The following CNST variants were observed in gnomAD, a reference collection of about 807,000 sequenced individuals.
The protein encoded by CNST is consortin.
Under a neutral mutation model 72.4 loss-of-function variants are expected in CNST, and 39 were observed. That is an observed-to-expected ratio of 0.54 (90% CI 0.42 to 0.70). CNST has a LOEUF of 0.70. Among genes scored for constraint, CNST ranks in the 30% least tolerant of loss-of-function variants. CNST has a pLI of 0.00. For missense variants in CNST, 871 were observed against 868.5 expected, an observed-to-expected ratio of 1.00 and a Z score of -0.04; for synonymous variants, 332 against 320.1, an observed-to-expected ratio of 1.04 and a Z score of -0.40.
intron 3 of CNST, among the ~76,000 whole-genome samples, chr1:246,625,610 C>T (rs1205773539): frequency 2.6e-5 from 4 of 151,584 alleles, no homozygotes; most frequent in East Asian, 3.9e-4. Context: ...TTAGTAGAGA[C>T]AAGGTTTCAC....
chr1:246,632,346 G>A, intron 4 of CNST: 1 of 281,342 alleles, frequency 3.6e-6, no homozygotes, highest in Non-Finnish European at 7.0e-6. Flanking sequence ...CCGCCCCCGT[G>A]ATGGTGAATC....
At position 246,621,417 on chromosome 1, in the gene CNST, T is replaced by C. The variant is rs1664080664; in HGVS notation, c.380-12T>C. The C allele has an allele frequency of 6.3e-7, 1 of 1,597,078 alleles. No individual in the cohort carries two copies. The highest frequency in any genetic ancestry group is 1.7e-5 in the Admixed American group (1 of 59,924). ...TTGATCCTAACATAGGCATTTTCTT[T>C]ACTTCTTAAAGGACTTTTTTCAGGA... On this transcript the variant is annotated splice_polypyrimidine_tract_variant and intron_variant, in intron 2 of 10. Transcript: ENST00000366513.
At chr1:246,597,114 GT>G (rs1209309170) in intron 2 of CNST, among the ~76,000 whole-genome samples, 1 of 152,156 alleles carries the variant, frequency 6.6e-6, no homozygotes, top group African/African-American at 2.4e-5. Context: ...ATGCCAAACA[GT>G]TTTCCAAAGC....
At chr1:246,646,721 C>G (rs756269602) in intron 8 of CNST, among the ~76,000 whole-genome samples, 2 of 152,228 alleles carry the variant, frequency 1.3e-5, no homozygotes, top group Non-Finnish European at 2.9e-5. Flanking sequence ...CTCAGGTGAT[C>G]CGCCCACCTC....
chr1:246,664,861 G>A (rs1667322963), intron 10 of CNST, among the ~76,000 whole-genome samples: 1 of 151,988 alleles, frequency 6.6e-6, no homozygotes, highest in South Asian at 2.1e-4. Context: ...AAGACTTTTT[G>A]GTCTTTTTGA....
chr1:246,580,479 G>A (rs1189931998), intron 1 of CNST, among the ~76,000 whole-genome samples: 1 of 151,908 alleles, frequency 6.6e-6, no homozygotes, highest in African/African-American at 2.4e-5. Context: ...GAACAGTTAT[G>A]AAATTGCACT....
intron 9 of CNST, among the ~76,000 whole-genome samples, chr1:246,656,873 C>T (rs779599562): frequency 3.3e-5 from 5 of 151,876 alleles, no homozygotes; most frequent in Non-Finnish European, 5.9e-5. Flanking sequence ...GAGGCTGCAG[C>T]GAGCTGTCAG....
intron 2 of CNST, among the ~76,000 whole-genome samples, chr1:246,612,889 A>AAT (rs1299851117): frequency 6.6e-6 from 1 of 152,012 alleles, no homozygotes; most frequent in Non-Finnish European, 1.5e-5. Flanking sequence ...TGTCTCAAAA[A>AAT]ATATATATAT....
intron 1 of CNST, among the ~76,000 whole-genome samples, chr1:246,588,242 CTAGTTT>C (rs563295877): frequency 6.6e-6 from 1 of 151,916 alleles, no homozygotes; most frequent in African/African-American, 2.4e-5. Flanking sequence ...GGCCGTTTTA[CTAGTTT>C]TAATGACAAT....
chr1:246,618,577 G>C (rs1242547528), intron 2 of CNST, among the ~76,000 whole-genome samples: 1 of 152,098 alleles, frequency 6.6e-6, no homozygotes, highest in Non-Finnish European at 1.5e-5. Context: ...AATGATTAAA[G>C]TACGATATTC....
intron 1 of CNST, among the ~76,000 whole-genome samples, chr1:246,573,225 A>T (rs1270249236): frequency 1.3e-5 from 2 of 152,214 alleles, no homozygotes; most frequent in East Asian, 3.8e-4. Flanking sequence ...TGCCAGTTAG[A>T]GTTATACCTG....
At chr1:246,567,933 A>C (rs1659823855) in intron 1 of CNST, among the ~76,000 whole-genome samples, 1 of 152,186 alleles carries the variant, frequency 6.6e-6, no homozygotes, top group South Asian at 2.1e-4. Context: ...ATATTTTTAA[A>C]TCAGATAAAA....
At chr1:246,624,464 CAAAG>C (rs1344655065) in intron 3 of CNST, among the ~76,000 whole-genome samples, 2 of 152,166 alleles carry the variant, frequency 1.3e-5, no homozygotes, top group African/African-American at 4.8e-5. Flanking sequence ...CAGTAAAAGC[CAAAG>C]AAATATTAAA....
At chr1:246,572,832 G>A (rs1572106018) in intron 1 of CNST, among the ~76,000 whole-genome samples, 1 of 152,020 alleles carries the variant, frequency 6.6e-6, no homozygotes, top group South Asian at 2.1e-4. Flanking sequence ...CAAAGTGCTG[G>A]GATTACAGGT....
chr1:246,614,033 A>G (rs1663517394), intron 2 of CNST, among the ~76,000 whole-genome samples: 1 of 152,042 alleles, frequency 6.6e-6, no homozygotes, highest in South Asian at 2.1e-4. Context: ...ATCCTCAAAA[A>G]TGCCCATCAG....
intron 9 of CNST, among the ~76,000 whole-genome samples, chr1:246,655,496 A>G (rs1371818262): frequency 1.3e-5 from 2 of 152,158 alleles, no homozygotes; most frequent in African/African-American, 4.8e-5. Flanking sequence ...TGACACAAAG[A>G]TCTTTCATCT....
rs376613573 is a variant in CNST at position 246,615,673 on chromosome 1, G to A, written c.380-5756G>A. On this transcript the variant is annotated intron_variant, in intron 2 of 10. Coordinates refer to ENST00000366513, the MANE Select transcript of CNST (RefSeq NM_152609.3). ...GCAGGTGAATCACCTGAGGTCGGGAGTTCAAGACCAGCCTGACCAACATGG... is the reference window on the plus strand; with the variant it reads ...GCAGGTGAATCACCTGAGGTCGGGAATTCAAGACCAGCCTGACCAACATGG... Among the ~76,000 whole-genome samples the A allele has an allele frequency of 3.2e-3, 489 of 151,388 alleles. 3 individuals are homozygous for A. Among genetic ancestry groups the A allele is most frequent in the African/African-American group, 0.011 (466 of 41,342 alleles).
At chr1:246,615,528 A>G (rs1663629104) in intron 2 of CNST, among the ~76,000 whole-genome samples, 1 of 151,288 alleles carries the variant, frequency 6.6e-6, no homozygotes, top group Non-Finnish European at 1.5e-5. Flanking sequence ...CAGGAGACTG[A>G]GGCAGGAGGA....
chr1:246,644,582 G>A (rs529793236), intron 8 of CNST, among the ~76,000 whole-genome samples: 1 of 152,286 alleles, frequency 6.6e-6, no homozygotes, highest in East Asian at 1.9e-4. Flanking sequence ...CTGAACCCAG[G>A]TTGTGCGGTG....
Sources: allele counts gnomAD v4.1 joint callset (sites outside exome capture counted in the v4.1 genomes callset), GRCh38; gene constraint gnomAD v4.1.1; transcripts MANE v1.5; gene names NCBI Gene and HGNC (gene_info 2026-07-23, HGNC 2026-07-21).